The following SMYD3 variants were observed in gnomAD, a reference collection of about 807,000 sequenced individuals.
The protein encoded by SMYD3 is SET and MYND domain containing 3.
Under a neutral mutation model 57.7 loss-of-function variants are expected in SMYD3, and 36 were observed. The ratio of observed to expected loss-of-function variants is 0.62; its 90% CI spans 0.48 to 0.82. The LOEUF (loss-of-function observed/expected upper bound fraction) is 0.82, where lower values mean the gene tolerates loss of function less well. Among genes scored for constraint, SMYD3 ranks in the 40% least tolerant of loss-of-function variants. The pLI is 0.00. For missense variants in SMYD3, 515 were observed against 538.8 expected (o/e 0.96, Z 0.44); for synonymous variants, 211 against 195.0 (o/e 1.08, Z -0.68).
intron 2 of SMYD3, among the ~76,000 whole-genome samples, chr1:246,354,205 G>A (rs754906935): frequency 6.6e-6 from 1 of 152,246 alleles, no homozygotes; most frequent in Middle Eastern, 3.4e-3. Context: ...TTAATAAGAT[G>A]TAACTCATTA....
At chr1:246,238,371 T>C (rs993099772) in intron 5 of SMYD3, among the ~76,000 whole-genome samples, 3 of 152,196 alleles carry the variant, frequency 2.0e-5, no homozygotes, top group Non-Finnish European at 2.9e-5. Context: ...TCTTGACTTT[T>C]GTTACAGCAT....
chr1:246,026,439 T>C (rs1280866004), intron 5 of SMYD3, among the ~76,000 whole-genome samples: 1 of 152,198 alleles, frequency 6.6e-6, no homozygotes, highest in African/African-American at 2.4e-5. Context: ...GATCTTGTGT[T>C]TACTAGATAG....
intron 5 of SMYD3, among the ~76,000 whole-genome samples, chr1:245,988,208 G>A (rs1394425807): frequency 1.3e-5 from 2 of 151,996 alleles, no homozygotes; most frequent in African/African-American, 4.8e-5. Context: ...CTAACCAACA[G>A]AGCTTCCCAA....
intron 9 of SMYD3, among the ~76,000 whole-genome samples, chr1:245,863,093 T>C: frequency 6.6e-6 from 1 of 152,214 alleles, no homozygotes; most frequent in East Asian, 1.9e-4. Context: ...AATGACCTTT[T>C]GCAGTCTTTT....
intron 5 of SMYD3, among the ~76,000 whole-genome samples, chr1:246,276,530 G>A (rs1238974940): frequency 2.0e-5 from 3 of 150,380 alleles, no homozygotes; most frequent in Admixed American, 6.6e-5. Context: ...TTTACTAGCC[G>A]TATTAACACT....
intron 5 of SMYD3, among the ~76,000 whole-genome samples, chr1:246,226,447 C>T (rs1389699834): frequency 6.6e-6 from 1 of 152,164 alleles, no homozygotes; most frequent in Non-Finnish European, 1.5e-5. Context: ...AATGGCTGTG[C>T]TAGAATAATT....
intron 10 of SMYD3, among the ~76,000 whole-genome samples, chr1:245,806,841 C>G (rs955164301): frequency 3.9e-5 from 5 of 128,808 alleles, no homozygotes; most frequent in African/African-American, 1.5e-4. Context: ...ACCCGGGAGG[C>G]GGAGCTTGCA....
intron 10 of SMYD3, among the ~76,000 whole-genome samples, chr1:245,771,288 A>G (rs2046327645): frequency 6.6e-6 from 1 of 152,236 alleles, no homozygotes; most frequent in Admixed American, 6.5e-5. Context: ...GGGATAAGGT[A>G]GGCGTGGCAA....
At chr1:246,107,444 T>C (rs919750621) in intron 5 of SMYD3, among the ~76,000 whole-genome samples, 3 of 152,172 alleles carry the variant, frequency 2.0e-5, no homozygotes, top group Admixed American at 2.0e-4. Flanking sequence ...AAGAGATTAT[T>C]TTTATAATTT....
chr1:246,252,285 A>G (rs1618213), intron 5 of SMYD3, among the ~76,000 whole-genome samples: 20 of 146,762 alleles, frequency 1.4e-4, no homozygotes, highest in African/African-American at 3.6e-4. Flanking sequence ...TAGGTGCCTC[A>G]AACACTGTGC....
chr1:245,904,185 G>A (rs1299475283), intron 8 of SMYD3, among the ~76,000 whole-genome samples: 10 of 152,080 alleles, frequency 6.6e-5, no homozygotes. Context: ...GGATCATGGG[G>A]GCTGTTTTCC....
At chr1:246,053,935 T>C (rs1275371236) in intron 5 of SMYD3, among the ~76,000 whole-genome samples, 1 of 152,092 alleles carries the variant, frequency 6.6e-6, no homozygotes, top group Non-Finnish European at 1.5e-5. Flanking sequence ...ATGAACTTTA[T>C]TAAAATTAAA....
At chr1:246,018,970 C>A (rs2059424289) in intron 5 of SMYD3, among the ~76,000 whole-genome samples, 1 of 152,130 alleles carries the variant, frequency 6.6e-6, no homozygotes, top group South Asian at 2.1e-4. Context: ...TTAAATGTTG[C>A]AGATAATTTC....
chr1:245,993,623 T>TAGACAGAC (rs1279877977), intron 5 of SMYD3, among the ~76,000 whole-genome samples: 1 of 96,804 alleles, frequency 1.0e-5, no homozygotes, highest in Admixed American at 1.1e-4. Context: ...GATAGATAGA[T>TAGACAGAC]AGATAGATAG....
intron 5 of SMYD3, among the ~76,000 whole-genome samples, chr1:245,979,711 G>A (rs2058549427): frequency 6.6e-6 from 1 of 152,068 alleles, no homozygotes. Flanking sequence ...CCTGTTTGTG[G>A]TATGTCACCA....
chr1:246,098,032 A>C (rs2147920210), intron 5 of SMYD3, among the ~76,000 whole-genome samples: 1 of 152,222 alleles, frequency 6.6e-6, no homozygotes, highest in Admixed American at 6.5e-5. Context: ...CCTGTGTCTA[A>C]TTATTTAAAA....
chr1:246,053,583 A>G (rs2060097849), intron 5 of SMYD3, among the ~76,000 whole-genome samples: 1 of 152,192 alleles, frequency 6.6e-6, no homozygotes, highest in South Asian at 2.1e-4. Context: ...CAAAAAAATG[A>G]TGCAGGAACA....
intron 8 of SMYD3, among the ~76,000 whole-genome samples, chr1:245,911,885 G>T (rs183553983): frequency 6.6e-6 from 1 of 152,026 alleles, no homozygotes; most frequent in Non-Finnish European, 1.5e-5. Flanking sequence ...AGAAAATTTA[G>T]AATGTTCCCA....
intron 8 of SMYD3, among the ~76,000 whole-genome samples, chr1:245,885,345 T>C (rs1365514103): frequency 6.6e-6 from 1 of 152,204 alleles, no homozygotes; most frequent in Non-Finnish European, 1.5e-5. Context: ...CACCACCATG[T>C]TGAACATGCC....
Sources: gnomAD v4.1 joint callset for allele counts (sites outside exome capture counted in the v4.1 genomes callset) on GRCh38, gnomAD v4.1.1 for gene constraint, MANE v1.5 for transcripts, NCBI Gene and HGNC (gene_info 2026-07-23, HGNC 2026-07-21) for gene names.